NPAS3: variants seen among roughly 807,000 people sequenced by gnomAD.
NPAS3 encodes the protein neuronal PAS domain-containing protein 3.
NPAS3 carries 14 observed loss-of-function variants against 73.1 expected under a neutral mutation model. The observed-to-expected ratio is 0.19, with a 90% CI of 0.13 to 0.30. NPAS3 has a LOEUF of 0.30. Among genes scored for constraint, NPAS3 ranks in the 10% least tolerant of loss-of-function variants. The pLI is 1.00. For missense variants in NPAS3, 1,096 were observed against 1,250.0 expected, an observed-to-expected ratio of 0.88 and a Z score of 1.86; for synonymous variants, 620 against 541.5, an observed-to-expected ratio of 1.14 and a Z score of -2.01.
chr14:33,125,724 G>A (rs1474493531), intron 2 of NPAS3, among the ~76,000 whole-genome samples: 1 of 152,048 alleles, frequency 6.6e-6, no homozygotes, highest in African/African-American at 2.4e-5. Flanking sequence ...TAAAATATTT[G>A]TGGGACTATT....
intron 3 of NPAS3, among the ~76,000 whole-genome samples, chr14:33,317,643 T>C (rs933555990): frequency 6.6e-6 from 1 of 152,064 alleles, no homozygotes; most frequent in African/African-American, 2.4e-5. Flanking sequence ...CCCCTTTTGC[T>C]TGGCACTTCT....
intron 4 of NPAS3, among the ~76,000 whole-genome samples, chr14:33,514,330 A>G (rs916636681): frequency 1.3e-5 from 2 of 152,100 alleles, no homozygotes; most frequent in African/African-American, 4.8e-5. Context: ...CAAGTAGATA[A>G]ACAGTGTACA....
chr14:33,043,352 T>G (rs1193987909), intron 1 of NPAS3, among the ~76,000 whole-genome samples: 1 of 152,164 alleles, frequency 6.6e-6, no homozygotes, highest in Non-Finnish European at 1.5e-5. Context: ...AGTAATCCTT[T>G]TTTATGATAA....
intron 4 of NPAS3, among the ~76,000 whole-genome samples, chr14:33,395,153 A>G (rs2047167378): frequency 6.6e-6 from 1 of 152,158 alleles, no homozygotes; most frequent in African/African-American, 2.4e-5. Flanking sequence ...TACTAGAGAA[A>G]CTTCTTCAGA....
At chr14:33,575,734 A>C (rs1026952437) in intron 5 of NPAS3, among the ~76,000 whole-genome samples, 2 of 152,234 alleles carry the variant, frequency 1.3e-5, no homozygotes, top group African/African-American at 4.8e-5. Flanking sequence ...TCTTTTTAAC[A>C]GTAAATGATT....
At chr14:33,332,585 T>C (rs1229226825) in intron 3 of NPAS3, among the ~76,000 whole-genome samples, 1 of 152,178 alleles carries the variant, frequency 6.6e-6, no homozygotes, top group Non-Finnish European at 1.5e-5. Flanking sequence ...AGATTAACCA[T>C]GTCACGTCCC....
At chr14:33,182,375 A>G (rs1416240602) in intron 2 of NPAS3, among the ~76,000 whole-genome samples, 2 of 152,130 alleles carry the variant, frequency 1.3e-5, no homozygotes, top group African/African-American at 4.8e-5. Flanking sequence ...TTTCTATTGT[A>G]TTTCTTCAGT....
chr14:33,291,758 A>G (rs1008999166), intron 3 of NPAS3, among the ~76,000 whole-genome samples: 4 of 152,246 alleles, frequency 2.6e-5, no homozygotes, highest in Middle Eastern at 3.2e-3. Context: ...GATTCTGTCA[A>G]TCTGATTAAG....
chr14:33,281,568 G>T (rs980335572), intron 3 of NPAS3, among the ~76,000 whole-genome samples: 2 of 152,166 alleles, frequency 1.3e-5, no homozygotes, highest in African/African-American at 4.8e-5. Flanking sequence ...GAAGGCAGAA[G>T]TTGCAGTGAG....
intron 6 of NPAS3, among the ~76,000 whole-genome samples, chr14:33,712,456 G>A (rs776846640): frequency 6.6e-5 from 10 of 152,198 alleles, no homozygotes; most frequent in Non-Finnish European, 1.3e-4. Flanking sequence ...TATATCAAAT[G>A]AGACAAAGGC....
chr14:33,269,787 C>T (rs1414840609), intron 3 of NPAS3, among the ~76,000 whole-genome samples: 7 of 151,874 alleles, frequency 4.6e-5, no homozygotes, highest in African/African-American at 9.7e-5. Context: ...TGTTAAAATC[C>T]CAAATGTCCT....
intron 6 of NPAS3, among the ~76,000 whole-genome samples, chr14:33,707,549 C>A (rs1320529860): frequency 1.3e-5 from 2 of 151,762 alleles, no homozygotes; most frequent in East Asian, 1.9e-4. Flanking sequence ...ACAACAACAA[C>A]AAAAAAGGAA....
intron 2 of NPAS3, among the ~76,000 whole-genome samples, chr14:33,114,074 T>G (rs1347625423): frequency 3.9e-5 from 6 of 152,124 alleles, no homozygotes. Flanking sequence ...CTTGCTCTAT[T>G]GGCCGGGCTG....
rs182962633 is a variant in NPAS3 at position 33,567,376 on chromosome 14, C to T, written c.558+7166C>T. Among the ~76,000 whole-genome samples the T allele has an allele frequency of 1.6e-4, 25 of 152,302 alleles. No homozygotes were observed. In the East Asian group the frequency reaches 4.2e-3, roughly 26 times the overall value. ...CAGATTCAGAAAGTAGGATTTATAACAGCATTTTAATTTAATGTTGGATGT... is the reference window on the plus strand; with the variant it reads ...CAGATTCAGAAAGTAGGATTTATAATAGCATTTTAATTTAATGTTGGATGT... On this transcript the variant is annotated intron_variant, in intron 5 of 11. Transcript: ENST00000356141.
At chr14:33,576,081 T>G (rs1364085075) in intron 5 of NPAS3, among the ~76,000 whole-genome samples, 1 of 152,102 alleles carries the variant, frequency 6.6e-6, no homozygotes, top group Non-Finnish European at 1.5e-5. Flanking sequence ...TAAGCCATGA[T>G]CTACGCCTGC....
At chr14:33,263,110 G>A (rs1164345939) in intron 3 of NPAS3, among the ~76,000 whole-genome samples, 2 of 152,264 alleles carry the variant, frequency 1.3e-5, no homozygotes, top group African/African-American at 4.8e-5. Context: ...CTGTGCAGAA[G>A]CTCTTTACTT....
chr14:33,257,540 G>C (rs2048823341), intron 3 of NPAS3, among the ~76,000 whole-genome samples: 1 of 152,178 alleles, frequency 6.6e-6, no homozygotes, highest in African/African-American at 2.4e-5. Flanking sequence ...ACTAAAAGCT[G>C]TATCTACATA....
chr14:33,643,963 C>A (rs2058751377), intron 5 of NPAS3, among the ~76,000 whole-genome samples: 1 of 151,972 alleles, frequency 6.6e-6, no homozygotes, highest in Admixed American at 6.6e-5. Flanking sequence ...TCTGACAAAG[C>A]TTTATTTAAT....
chr14:33,409,824 C>T (rs908583347), intron 4 of NPAS3, among the ~76,000 whole-genome samples: 6 of 152,076 alleles, frequency 3.9e-5, no homozygotes, highest in Non-Finnish European at 8.8e-5. Flanking sequence ...TTGTTTCCTA[C>T]CATAATTGAA....
Sources: allele counts gnomAD v4.1 joint callset (sites outside exome capture counted in the v4.1 genomes callset), GRCh38; gene constraint gnomAD v4.1.1; transcripts MANE v1.5; gene names NCBI Gene and HGNC (gene_info 2026-07-23, HGNC 2026-07-21).